HMCN1: variants seen among roughly 807,000 people sequenced by gnomAD.
HMCN1 encodes hemicentin-1.
HMCN1 carries 321 observed loss-of-function variants against 625.9 expected under a neutral mutation model. The observed-to-expected ratio is 0.51, with a 90% CI of 0.47 to 0.56. The LOEUF is 0.56. HMCN1 is among the 20% of genes least tolerant of loss of function. The pLI, the probability that HMCN1 is intolerant of heterozygous loss-of-function variation, is 0.00. For missense variants in HMCN1, 6,588 were observed against 6,887.3 expected (o/e 0.96, Z 1.54); for synonymous variants, 2,425 against 2,417.6 (o/e 1.00, Z -0.09).
chr1:185,820,251 G>T (rs935616022), intron 1 of HMCN1, among the ~76,000 whole-genome samples: 1 of 152,098 alleles, frequency 6.6e-6, no homozygotes, highest in Non-Finnish European at 1.5e-5. Flanking sequence ...ATCCCAAATA[G>T]ATTAGCCTTT....
chr1:186,124,051 TTAAAC>T (rs1439898313), intron 81 of HMCN1, among the ~76,000 whole-genome samples: 2 of 152,140 alleles, frequency 1.3e-5, no homozygotes, highest in Non-Finnish European at 2.9e-5. Context: ...GTTAATATAA[TTAAAC>T]TAATCAATAT....
chr1:186,039,578 TTAAA>T lies in HMCN1; in HGVS notation c.6029-146_6029-143del, dbSNP rs994464189. 5.8e-5 allele frequency: 45 copies of T among 780,068 alleles called. No homozygotes were observed. In the Admixed American group the frequency reaches 5.8e-4, roughly 10 times the overall value. 48.3% of individuals were successfully genotyped at this position (780,068 alleles called of 1,614,324 possible). On this transcript the variant is annotated intron_variant, in intron 38 of 106. Transcript: ENST00000271588. ...CTCACAGGATGGCTGTGATTAGATC[TTAAA>T]TAAGAGAGATGTGAAAGAACTTACC...
At chr1:185,958,792 T>C (rs1469566037) in intron 11 of HMCN1, among the ~76,000 whole-genome samples, 1 of 152,184 alleles carries the variant, frequency 6.6e-6, no homozygotes, top group African/African-American at 2.4e-5. Context: ...TTTAACCATT[T>C]TGAGCCATAG....
rs541446778 is a variant in HMCN1 at position 186,048,409 on chromosome 1, A to T, written c.6481-334A>T. ...GTTATTTTACTGGACAGTTTCCTAG[A>T]TGTATAAGGATTTCATATTTTAAAG... On this transcript the variant is annotated intron_variant, in intron 41 of 106. Transcript: ENST00000271588. Among the ~76,000 whole-genome samples, 5 of 152,206 alleles carry T rather than the reference A, an allele frequency of 3.3e-5. No individual in the cohort carries two copies. In the South Asian group the frequency reaches 1.0e-3, roughly 32 times the overall value.
At chr1:186,137,066 A>T in intron 87 of HMCN1, 129 bp downstream of exon 87, 1 of 1,105,766 alleles carries the variant, frequency 9.0e-7, no homozygotes, top group South Asian at 1.3e-5. Context: ...GGAGAGGACA[A>T]AATCATCAAA....
chr1:185,848,613 AC>A (rs1661978916), intron 2 of HMCN1, among the ~76,000 whole-genome samples: 1 of 152,104 alleles, frequency 6.6e-6, no homozygotes, highest in African/African-American at 2.4e-5. Context: ...CTTGGATGTC[AC>A]AATGGCCTTC....
chr1:186,122,861 A>G (rs1661460065), intron 80 of HMCN1, 90 bp from the exon 81 acceptor site: 12 of 1,352,692 alleles, frequency 8.9e-6, no homozygotes, highest in Non-Finnish European at 1.1e-5. Context: ...GTTTCTTATC[A>G]ATGTTTGCTA....
chr1:185,991,873 A>G (rs1008963648), intron 22 of HMCN1, among the ~76,000 whole-genome samples: 10 of 152,146 alleles, frequency 6.6e-5, no homozygotes, highest in Non-Finnish European at 1.2e-4. Context: ...TTCCAAAGGG[A>G]CAGTATTGGT....
At chr1:186,001,533 A>AT (rs1419081901) in intron 27 of HMCN1, 61 bp from the exon 28 acceptor site, 1 of 1,605,516 alleles carries the variant, frequency 6.2e-7, no homozygotes, top group African/African-American at 1.3e-5. Flanking sequence ...TTCTACTTCA[A>AT]TTTTTAATTA....
chr1:186,074,927 A>G, intron 53 of HMCN1, 36 bp downstream of exon 53: 1 of 1,502,542 alleles, frequency 6.7e-7, no homozygotes, highest in Non-Finnish European at 9.2e-7. Context: ...AATGTAATTT[A>G]TATGATCTTT....
At chr1:185,784,539 A>G (rs1188512744) in intron 1 of HMCN1, among the ~76,000 whole-genome samples, 1 of 151,900 alleles carries the variant, frequency 6.6e-6, no homozygotes, top group Non-Finnish European at 1.5e-5. Flanking sequence ...ATTGCTGGAA[A>G]TTAAGTGGGT....
At chr1:186,063,989 A>G (rs1054144973) in intron 48 of HMCN1, among the ~76,000 whole-genome samples, 5 of 152,170 alleles carry the variant, frequency 3.3e-5, no homozygotes, top group Admixed American at 6.6e-5. Context: ...GGAAGATTCA[A>G]TGAGTTTCTT....
chr1:186,087,780 A>G (rs1659597129), intron 60 of HMCN1, 135 bp downstream of exon 60: 2 of 1,142,294 alleles, frequency 1.8e-6, no homozygotes, highest in Non-Finnish European at 2.6e-6. Context: ...AATGCCATTG[A>G]CTATTTTTAT....
chr1:185,975,116 C>T (rs1651103640), intron 15 of HMCN1, among the ~76,000 whole-genome samples: 1 of 152,146 alleles, frequency 6.6e-6, no homozygotes, highest in Non-Finnish European at 1.5e-5. Context: ...GCTAACATAT[C>T]CAGAAACTTT....
chr1:186,099,953 C>T (rs116824399), intron 68 of HMCN1, among the ~76,000 whole-genome samples: 2,083 of 152,122 alleles, frequency 0.014, 52 homozygotes, highest in African/African-American at 0.049. Context: ...AGCCAGATTT[C>T]GTTTCCAAAA....
intron 89 of HMCN1, among the ~76,000 whole-genome samples, chr1:186,142,515 T>TA (rs1242674898): frequency 1.3e-5 from 2 of 152,356 alleles, no homozygotes. Context: ...GCTCTGGGCA[T>TA]ATACCCAATA....
chr1:185,758,007 A>C (rs1655243187), intron 1 of HMCN1, among the ~76,000 whole-genome samples: 1 of 152,216 alleles, frequency 6.6e-6, no homozygotes, highest in Non-Finnish European at 1.5e-5. Flanking sequence ...ATCAAGTAAA[A>C]ATGATTTAAA....
At chr1:185,959,209 G>A (rs1217510825) in intron 11 of HMCN1, among the ~76,000 whole-genome samples, 2 of 152,074 alleles carry the variant, frequency 1.3e-5, no homozygotes, top group South Asian at 2.1e-4. Flanking sequence ...AAGTCCTTAG[G>A]TATTTTCTCT....
intron 12 of HMCN1, 81 bp downstream of exon 12, chr1:185,962,740 A>ACTAATATGACC (rs1484244688): frequency 1.2e-6 from 1 of 822,816 alleles, no homozygotes; most frequent in Non-Finnish European, 2.2e-6. Context: ...ATATGACCAA[A>ACTAATATGACC]TCCCTAATAT....
Sources: allele counts gnomAD v4.1 joint callset (sites outside exome capture counted in the v4.1 genomes callset), GRCh38; gene constraint gnomAD v4.1.1; transcripts MANE v1.5; gene names NCBI Gene and HGNC (gene_info 2026-07-23, HGNC 2026-07-21).